SFMBT2: variants seen among roughly 807,000 people sequenced by gnomAD.
SFMBT2 encodes Scm like with four mbt domains 2, also known as scm-like with four MBT domains protein 2.
SFMBT2 carries 38 observed loss-of-function variants against 110.1 expected under a neutral mutation model. That is an observed-to-expected ratio of 0.35 (90% CI 0.27 to 0.45). SFMBT2 has a LOEUF of 0.45. Among genes scored for constraint, SFMBT2 ranks in the 20% least tolerant of loss-of-function variants. SFMBT2 has a pLI of 1.00. For missense variants in SFMBT2, 1,011 were observed against 1,094.9 expected (o/e 0.92, Z 1.08); for synonymous variants, 425 against 425.4 (o/e 1.00, Z 0.01).
At chr10:7,281,537 G>C (rs73617423) in intron 6 of SFMBT2, among the ~76,000 whole-genome samples, 4,832 of 152,224 alleles carry the variant, frequency 0.032, 267 homozygotes, top group African/African-American at 0.11. Flanking sequence ...AGGAAGTGGT[G>C]CTACCACGTA....
chr10:7,275,398 G>A (rs1035303279), intron 7 of SFMBT2, among the ~76,000 whole-genome samples: 2 of 152,182 alleles, frequency 1.3e-5, no homozygotes, highest in Non-Finnish European at 2.9e-5. Context: ...GGGTGGCAGA[G>A]CTGAGAGGTC....
At position 7,171,537 on chromosome 10, in the gene SFMBT2, G is replaced by C. The variant is rs1837871570; in HGVS notation, c.2415+358C>G. ...AACATCACAGAGGTGTCCTATAGAG[G>C]GGACGTGGGAGCAAGACACAGCGCA... On this transcript the variant is annotated intron_variant, in intron 19 of 20. Coordinates refer to ENST00000397167, the MANE Select transcript of SFMBT2 (RefSeq NM_001387889.1). This position sits in a 1 kb window ranked among gnomAD's most constrained non-coding sequence, Gnocchi z 4.9. 2 of 985,314 alleles carry C rather than the reference G, an allele frequency of 2.0e-6. No individual in the cohort carries two copies. The highest frequency in any genetic ancestry group is 2.4e-6 in the Non-Finnish European group (2 of 829,944). The allele number at this position is 985,314 out of a possible 1,614,324, so 61.0% of individuals were successfully genotyped here.
At chr10:7,385,618 T>C (rs1230200803) in intron 1 of SFMBT2, among the ~76,000 whole-genome samples, 1 of 152,074 alleles carries the variant, frequency 6.6e-6, no homozygotes, top group Non-Finnish European at 1.5e-5. Flanking sequence ...ATGAAAAGCT[T>C]AGAGCTATGG....
intron 4 of SFMBT2, among the ~76,000 whole-genome samples, chr10:7,338,971 G>T (rs1009705208): frequency 6.6e-6 from 1 of 152,166 alleles, no homozygotes; most frequent in East Asian, 1.9e-4. Context: ...CAGGCACAGC[G>T]GCTCACACCT....
At chr10:7,403,751 C>T (rs1453558908) in intron 1 of SFMBT2, among the ~76,000 whole-genome samples, 1 of 152,172 alleles carries the variant, frequency 6.6e-6, no homozygotes, top group Non-Finnish European at 1.5e-5. Context: ...ACTAGGATTT[C>T]AAATCTAGCT....
At chr10:7,226,511 A>C (rs919295281) in intron 10 of SFMBT2, among the ~76,000 whole-genome samples, 1 of 152,256 alleles carries the variant, frequency 6.6e-6, no homozygotes, top group Admixed American at 6.5e-5. Flanking sequence ...TCAGCAAACA[A>C]GTCTCTGACC....
At chr10:7,312,752 C>T (rs1842895848) in intron 4 of SFMBT2, among the ~76,000 whole-genome samples, 1 of 149,754 alleles carries the variant, frequency 6.7e-6, no homozygotes, top group South Asian at 2.1e-4. Flanking sequence ...TTTACTGAAC[C>T]CCCCAGAATA....
intron 7 of SFMBT2, among the ~76,000 whole-genome samples, chr10:7,273,202 G>A (rs1254197802): frequency 1.3e-5 from 2 of 152,216 alleles, no homozygotes; most frequent in Non-Finnish European, 2.9e-5. Flanking sequence ...GCCACTTTTA[G>A]TGAGAAGGAA....
chr10:7,291,367 G>C (rs986433338), intron 4 of SFMBT2, among the ~76,000 whole-genome samples: 2 of 152,126 alleles, frequency 1.3e-5, no homozygotes, highest in African/African-American at 2.4e-5. Context: ...TCCAATCAAT[G>C]CTTCTTTGAA....
chr10:7,369,636 G>A (rs754175061), intron 3 of SFMBT2, among the ~76,000 whole-genome samples: 1 of 152,102 alleles, frequency 6.6e-6, no homozygotes, highest in Non-Finnish European at 1.5e-5. Flanking sequence ...ATAAATGGCT[G>A]GAAATCTTTT....
At chr10:7,226,400 C>T (rs1839896337) in intron 10 of SFMBT2, among the ~76,000 whole-genome samples, 1 of 152,268 alleles carries the variant, frequency 6.6e-6, no homozygotes, top group Admixed American at 6.5e-5. Flanking sequence ...GAACTTCTGC[C>T]TATGCAGCCA....
intron 4 of SFMBT2, among the ~76,000 whole-genome samples, chr10:7,343,380 T>G (rs1843991224): frequency 6.6e-6 from 1 of 152,232 alleles, no homozygotes; most frequent in South Asian, 2.1e-4. Flanking sequence ...TAAGGTAGAA[T>G]GATTTCTATT....
chr10:7,182,879 T>TA (rs1016709865), intron 16 of SFMBT2, among the ~76,000 whole-genome samples: 38 of 150,050 alleles, frequency 2.5e-4, no homozygotes, highest in African/African-American at 7.8e-4. Context: ...AAAAAAAAGT[T>TA]AAAAAAAAAG....
intron 2 of SFMBT2, among the ~76,000 whole-genome samples, chr10:7,375,079 A>G (rs1008664601): frequency 3.3e-5 from 5 of 152,264 alleles, no homozygotes; most frequent in Non-Finnish European, 5.9e-5. Context: ...CCATGATGTC[A>G]TGAAAACCGA....
intron 4 of SFMBT2, among the ~76,000 whole-genome samples, chr10:7,351,898 T>C (rs182062512): frequency 6.6e-6 from 1 of 152,060 alleles, no homozygotes; most frequent in Non-Finnish European, 1.5e-5. Flanking sequence ...TATATATATC[T>C]GATGAGGAGG....
intron 11 of SFMBT2, chr10:7,206,873 C>A (rs1839153410): frequency 1.0e-6 from 1 of 984,996 alleles, no homozygotes; most frequent in South Asian, 4.7e-5. Context: ...GACGGTGACC[C>A]ATGGACTCTG....
In SFMBT2 at chr10:7,315,038, G is replaced by GAGAAAGAAAGAAAAGAAAGAA. The variant is rs1554802843; in HGVS notation, c.437-29085_437-29084insTTCTTTCTTTTCTTTCTTTCT. Among the ~76,000 whole-genome samples, 161 of 82,256 alleles carry GAGAAAGAAAGAAAAGAAAGAA rather than the reference G, an allele frequency of 2.0e-3. 1 individual carries two copies. The highest frequency in any genetic ancestry group is 7.8e-3 in the African/African-American group (152 of 19,432). The allele number at this position is 82,256 out of a possible 152,430, so 54.0% of individuals were successfully genotyped here. On this transcript the variant is annotated intron_variant, in intron 4 of 20. Coordinates refer to ENST00000397167, the MANE Select transcript of SFMBT2 (RefSeq NM_001387889.1). ...AAGAAAAGAGAGAGAAAGAAAGAAA[G>GAGAAAGAAAGAAAAGAAAGAA]AGAAAGAAAGAAAGAAAGAAAGAAA...
At chr10:7,385,986 ACT>A (rs2132092316) in intron 1 of SFMBT2, among the ~76,000 whole-genome samples, 1 of 151,320 alleles carries the variant, frequency 6.6e-6, no homozygotes, top group East Asian at 2.0e-4. Flanking sequence ...GGGGAGAGAG[ACT>A]CTGTCTCAAA....
At chr10:7,200,114 T>C (rs1256713169) in intron 14 of SFMBT2, among the ~76,000 whole-genome samples, 3 of 152,246 alleles carry the variant, frequency 2.0e-5, no homozygotes, top group African/African-American at 7.2e-5. Context: ...CTCTTTCCTT[T>C]TCCCCATGAT....
Sources: gnomAD v4.1 joint callset for allele counts (sites outside exome capture counted in the v4.1 genomes callset) on GRCh38, gnomAD v4.1.1 for gene constraint, Gnocchi (gnomAD v3.1) non-coding constraint, MANE v1.5 for transcripts, NCBI Gene and HGNC (gene_info 2026-07-23, HGNC 2026-07-21) for gene names.